The following P2RX3 variants were observed in gnomAD, a reference collection of about 807,000 sequenced individuals.
The protein encoded by P2RX3 is P2X purinoceptor 3.
P2RX3 carries 41 observed loss-of-function variants against 51.5 expected under a neutral mutation model. The ratio of observed to expected loss-of-function variants is 0.80; its 90% CI spans 0.62 to 1.03. The LOEUF (loss-of-function observed/expected upper bound fraction) is 1.03. Ranked by LOEUF, P2RX3 falls within the 50% of genes least tolerant of loss-of-function variation. P2RX3 has a pLI of 0.00. For missense variants in P2RX3, 459 were observed against 522.1 expected (o/e 0.88, Z 1.18); for synonymous variants, 185 against 191.6 (o/e 0.97, Z 0.29).
chr11:57,353,166 C>T (rs1856573838), intron 8 of P2RX3, among the ~76,000 whole-genome samples: 1 of 152,222 alleles, frequency 6.6e-6, no homozygotes, highest in Admixed American at 6.5e-5. Flanking sequence ...GAGAAAGGGT[C>T]ACAAAGCCAG....
At chr11:57,358,730 A>G (rs1365609378) in intron 8 of P2RX3, among the ~76,000 whole-genome samples, 1 of 152,204 alleles carries the variant, frequency 6.6e-6, no homozygotes, top group African/African-American at 2.4e-5. Context: ...TGAAGCATGC[A>G]CTATTATTTA....
At position 57,348,683 on chromosome 11, in the gene P2RX3, T is replaced by C. The variant is rs1442428860; in HGVS notation, c.542T>C (p.Phe181Ser). 2 of 1,613,504 alleles carry C rather than the reference T, an allele frequency of 1.2e-6. No homozygotes were observed. The highest frequency in any genetic ancestry group is 3.3e-5 in the Admixed American group (2 of 59,986). The change falls in exon 6 of 12, where the codon TTC becomes TCC. Residue 181 changes from phenylalanine (F) to serine (S), a missense_variant. By Grantham distance (155) the Phe-to-Ser change is radical (BLOSUM62 -2). Transcript: ENST00000263314. ...ATTTTCATCAAGAACAGCATCCGTT[T>C]CCCCCTCTTCAACTTTGAGAAGTGA... ...FTIFIKNSIR[F>S]PLFNFEKGNL...
intron 5 of P2RX3, 61 bp from the exon 6 acceptor site, chr11:57,348,566 G>A (rs1260835963): frequency 1.4e-6 from 2 of 1,444,186 alleles, no homozygotes; most frequent in African/African-American, 2.8e-5. Context: ...GCCCTCAGGT[G>A]AAAGCCTTCA....
chr11:57,370,071 A>G lies in P2RX3; in HGVS notation c.*74A>G, dbSNP rs999947495. On this transcript the variant is annotated 3_prime_UTR_variant, in exon 12 of 12. Transcript: ENST00000263314. ...AGAGGACCCTGCCTGAGCAAGGGGC[A>G]TGGGAGGGAAGAGGGGCTCTCATTT... 33 of 902,058 alleles carry G rather than the reference A, an allele frequency of 3.7e-5. No homozygotes were observed. The highest frequency in any genetic ancestry group is 5.3e-5 in the Non-Finnish European group (31 of 586,674). 55.9% of individuals were successfully genotyped at this position (902,058 alleles called of 1,614,324 possible).
At chr11:57,337,034 G>A (rs1251534648), upstream of P2RX3, among the ~76,000 whole-genome samples, 1 of 152,166 alleles carries the variant, frequency 6.6e-6, no homozygotes, top group Non-Finnish European at 1.5e-5. Context: ...GCTCACACCT[G>A]TAATCCTAGC....
chr11:57,346,042 C>A (rs1253709940), intron 1 of P2RX3, among the ~76,000 whole-genome samples: 2 of 152,164 alleles, frequency 1.3e-5, no homozygotes, highest in African/African-American at 4.8e-5. Context: ...TTGTGTTGGA[C>A]ACTTAGGGTA....
At chr11:57,358,949 T>C (rs990667540) in intron 8 of P2RX3, among the ~76,000 whole-genome samples, 1 of 152,094 alleles carries the variant, frequency 6.6e-6, no homozygotes, top group African/African-American at 2.4e-5. Flanking sequence ...AATCATTCGA[T>C]TGAGTCCTGT....
At chr11:57,368,807 A>T (rs1214141697) in intron 10 of P2RX3, among the ~76,000 whole-genome samples, 1 of 152,156 alleles carries the variant, frequency 6.6e-6, no homozygotes, top group Non-Finnish European at 1.5e-5. Context: ...GCCTGCCTTC[A>T]GGGACTTCCA....
At chr11:57,356,325 G>A (rs1856630675) in intron 8 of P2RX3, among the ~76,000 whole-genome samples, 1 of 152,224 alleles carries the variant, frequency 6.6e-6, no homozygotes, top group African/African-American at 2.4e-5. Context: ...ATACCTGGTA[G>A]TGATGGCTGG....
intron 8 of P2RX3, among the ~76,000 whole-genome samples, chr11:57,357,856 G>C (rs2134435004): frequency 1.3e-5 from 2 of 152,272 alleles, no homozygotes; most frequent in South Asian, 4.1e-4. Context: ...GTGTATTTCA[G>C]CTGGCAAAAT....
At chr11:57,346,862 T>C (rs1856444162) in intron 2 of P2RX3, among the ~76,000 whole-genome samples, 183 bp downstream of exon 2, 1 of 152,210 alleles carries the variant, frequency 6.6e-6, no homozygotes. Flanking sequence ...GTGCTGGGCA[T>C]CAGGAAAGCT....
intron 1 of P2RX3, among the ~76,000 whole-genome samples, chr11:57,342,285 C>T (rs901576947): frequency 1.3e-5 from 2 of 151,414 alleles, no homozygotes; most frequent in Non-Finnish European, 2.9e-5. Context: ...TCAGCCTCCC[C>T]GGTAGCTGGG....
At chr11:57,347,033 T>C in intron 2 of P2RX3, 83 bp from the exon 3 acceptor site, 1 of 1,368,558 alleles carries the variant, frequency 7.3e-7, no homozygotes, top group Non-Finnish European at 1.0e-6. Flanking sequence ...TCCTCATCTG[T>C]AGAGTGGGGA....
At position 57,370,973 on chromosome 11, in the gene P2RX3, T is replaced by A. The variant is rs538921777; in HGVS notation, c.*976T>A. On this transcript the variant is annotated 3_prime_UTR_variant, in exon 12 of 12. Coordinates refer to ENST00000263314, the MANE Select transcript of P2RX3 (RefSeq NM_002559.5). ...GCTGCTCAGCTGGGTTGGCCAGGCCTGTCCCCATAGGGTCTTAATAAGGTG... is the reference window on the plus strand; with the variant it reads ...GCTGCTCAGCTGGGTTGGCCAGGCCAGTCCCCATAGGGTCTTAATAAGGTG... 5.9e-5 allele frequency among the ~76,000 whole-genome samples: 9 copies of A among 152,378 alleles called. No homozygotes were observed. Among genetic ancestry groups the A allele is most frequent in the Non-Finnish European group, 1.2e-4 (8 of 68,034 alleles).
chr11:57,361,868 G>A (rs1856724584), intron 8 of P2RX3, among the ~76,000 whole-genome samples: 1 of 152,160 alleles, frequency 6.6e-6, no homozygotes, highest in Non-Finnish European at 1.5e-5. Context: ...ATGAAGCCTT[G>A]CCTAACCCCC....
At chr11:57,358,180 G>C (rs988710563) in intron 8 of P2RX3, among the ~76,000 whole-genome samples, 1 of 152,222 alleles carries the variant, frequency 6.6e-6, no homozygotes, top group African/African-American at 2.4e-5. Context: ...GCATGGGGAA[G>C]TACTTCTAAC....
intron 5 of P2RX3, 151 bp downstream of exon 5, chr11:57,348,414 G>A (rs1266941692): frequency 2.5e-6 from 2 of 796,050 alleles, no homozygotes; most frequent in Non-Finnish European, 2.0e-6. Context: ...CAGGCCCAGG[G>A]TATCATCTTC....
Position 57,349,782 on chromosome 11 carries a change from G to A in P2RX3, c.589G>A (p.Ala197Thr). The A allele has an allele frequency of 6.2e-7, 1 of 1,614,172 alleles. No homozygotes were observed. ...GGGAAACCTCCTTCCCAACCTGACA[G>A]CCAGGGACATGAAGACCTGCCGCTT... ...EKGNLLPNLTARDMKTCRFHP... is the reference protein window; with the variant it reads ...EKGNLLPNLTTRDMKTCRFHP... The change falls in exon 7 of 12, where the codon GCC (alanine) becomes ACC (threonine). Residue 197 changes from alanine (A) to threonine (T), a missense_variant. Ala to Thr is a moderately conservative substitution (Grantham distance 58, BLOSUM62 0). Coordinates refer to ENST00000263314, the MANE Select transcript of P2RX3 (RefSeq NM_002559.5).
chr11:57,339,514 C>T (rs1447939920), intron 1 of P2RX3, among the ~76,000 whole-genome samples: 2 of 132,306 alleles, frequency 1.5e-5, no homozygotes, highest in Admixed American at 1.4e-4. Context: ...TGCAAGCACA[C>T]ACCTACACAC....
Sources: allele counts gnomAD v4.1 joint callset (sites outside exome capture counted in the v4.1 genomes callset), GRCh38; gene constraint gnomAD v4.1.1; transcripts MANE v1.5; gene names NCBI Gene and HGNC (gene_info 2026-07-23, HGNC 2026-07-21).